The following ZFHX3 variants were observed in gnomAD, a reference collection of about 807,000 sequenced individuals.
ZFHX3 encodes zinc finger homeobox protein 3.
Under a neutral mutation model 279.1 loss-of-function variants are expected in ZFHX3, and 42 were observed. The observed-to-expected ratio is 0.15, with a 90% CI of 0.12 to 0.19. The LOEUF is 0.19. Ranked by LOEUF, ZFHX3 falls within the 10% of genes least tolerant of loss-of-function variation. The pLI is 1.00. For synonymous variants in ZFHX3, 2,293 were observed against 1,957.8 expected, an observed-to-expected ratio of 1.17 and a Z score of -4.52; for missense variants, 4,981 against 4,754.0, an observed-to-expected ratio of 1.05 and a Z score of -1.40.
At chr16:73,253,601 G>C (rs1306704051) in intron 5 of ZFHX3, among the ~76,000 whole-genome samples, 1 of 137,990 alleles carries the variant, frequency 7.2e-6, no homozygotes, top group Non-Finnish European at 1.5e-5. Context: ...ACAGGCGCCT[G>C]CCACCACGCC....
chr16:73,393,889 T>C (rs1395933933), intron 3 of ZFHX3, among the ~76,000 whole-genome samples: 2 of 148,378 alleles, frequency 1.3e-5, no homozygotes, highest in Non-Finnish European at 3.0e-5. Flanking sequence ...ATATCTCATG[T>C]ATATCATATA....
At chr16:73,823,904 GAT>G (rs1347125734) in intron 1 of ZFHX3, among the ~76,000 whole-genome samples, 1 of 152,172 alleles carries the variant, frequency 6.6e-6, no homozygotes, top group African/African-American at 2.4e-5. Context: ...AAAGGTGCAT[GAT>G]AAACATTTTT....
At chr16:72,935,721 G>A (rs561467038) in intron 3 of ZFHX3, among the ~76,000 whole-genome samples, 152 of 146,518 alleles carry the variant, frequency 1.0e-3, no homozygotes, top group Middle Eastern at 3.3e-3. Flanking sequence ...GCGACAGAGT[G>A]ACACTCTGTC....
chr16:72,838,156 C>G (rs1197701418), intron 4 of ZFHX3, among the ~76,000 whole-genome samples: 1 of 152,162 alleles, frequency 6.6e-6, no homozygotes, highest in Non-Finnish European at 1.5e-5. Context: ...CCCATTACCA[C>G]CATCCCTGTT....
At chr16:73,141,369 G>A (rs533343368) in intron 6 of ZFHX3, among the ~76,000 whole-genome samples, 96 of 152,002 alleles carry the variant, frequency 6.3e-4, no homozygotes, top group African/African-American at 2.2e-3. Flanking sequence ...ATCACTTTGT[G>A]CCAAGCACTG....
At chr16:73,541,879 G>A (rs193121091) in intron 2 of ZFHX3, among the ~76,000 whole-genome samples, 142 of 132,386 alleles carry the variant, frequency 1.1e-3, no homozygotes, top group African/African-American at 3.4e-3. Context: ...TAGGTTCACC[G>A]CAACCTCTGC....
chr16:73,047,046 A>G (rs569923555), intron 1 of ZFHX3, among the ~76,000 whole-genome samples: 1 of 152,298 alleles, frequency 6.6e-6, no homozygotes, highest in African/African-American at 2.4e-5. Flanking sequence ...GCCTTTTCCT[A>G]TCATAACACA....
In ZFHX3 at chr16:73,581,659, C is replaced by CTTTTTTTTTT. The variant is rs11286052; in HGVS notation, c.-1547+98511_-1547+98520dup. ...GTCAAGCATAAAACTTCGAATGTCT[C>CTTTTTTTTTT]TTTTTTTTTTTTTTTTTTTTTTTTT... is the stretch of plus-strand genomic sequence containing the variant. On this transcript the variant is annotated intron_variant, in intron 2 of 17. Coordinates refer to the ZFHX3 transcript ENST00000641206. Among the ~76,000 whole-genome samples the CTTTTTTTTTT allele has an allele frequency of 6.8e-5, 5 of 73,428 alleles. 1 individual carries two copies. Among genetic ancestry groups the CTTTTTTTTTT allele is most frequent in the African/African-American group, 2.3e-4 (4 of 17,438 alleles). The allele number at this position is 73,428 out of a possible 152,430, so 48.2% of individuals were successfully genotyped here.
At chr16:73,162,111 AC>A (rs1967250824) in intron 5 of ZFHX3, among the ~76,000 whole-genome samples, 1 of 152,204 alleles carries the variant, frequency 6.6e-6, no homozygotes, top group Admixed American at 6.5e-5. Context: ...TGGGGCACAG[AC>A]CAGTATCAAT....
intron 4 of ZFHX3, among the ~76,000 whole-genome samples, chr16:72,844,495 CCAGCACA>C (rs1268547560): frequency 6.6e-6 from 1 of 152,136 alleles, no homozygotes; most frequent in Non-Finnish European, 1.5e-5. Flanking sequence ...ACATGCACCC[CCAGCACA>C]CAGCACACAG....
Position 72,855,888 on chromosome 16 carries a change from C to T in ZFHX3, c.3449-26029G>A, listed in dbSNP as rs955491177. Among the ~76,000 whole-genome samples, 8 of 152,298 alleles carry T rather than the reference C, an allele frequency of 5.3e-5. No individual in the cohort carries two copies. The South Asian group carries it at 8.3e-4, about 16-fold the overall frequency. ...GAACATCTCCCCCAATGGCAAGAAA[C>T]GCCAACTGCCACCTTCCCCGTGGTG... is the stretch of plus-strand genomic sequence containing the variant. On this transcript the variant is annotated intron_variant, in intron 4 of 9. Coordinates refer to ENST00000268489, the MANE Select transcript of ZFHX3 (RefSeq NM_006885.4).
chr16:72,788,931 GCA>G (rs1321891623), intron 9 of ZFHX3, 83 bp from the exon 10 acceptor site: 98 of 1,489,656 alleles, frequency 6.6e-5, no homozygotes, highest in Non-Finnish European at 5.3e-5. Flanking sequence ...GGTGTCACTG[GCA>G]CACAGTTTGA....
intron 6 of ZFHX3, among the ~76,000 whole-genome samples, chr16:73,131,602 A>G (rs1435821924): frequency 6.6e-6 from 1 of 152,204 alleles, no homozygotes; most frequent in Admixed American, 6.5e-5. Flanking sequence ...TGAGCCTCAC[A>G]GGGTGGGAGG....
chr16:73,339,364 T>C lies in ZFHX3; in HGVS notation c.-1290-21028A>G, dbSNP rs185158377. Among the ~76,000 whole-genome samples the C allele has an allele frequency of 5.9e-5, 9 of 152,344 alleles. No homozygotes were observed. In the East Asian group the frequency reaches 1.7e-3, roughly 29 times the overall value. The stretch of plus-strand genomic sequence containing the variant: ...TGAACTCCTTGAAGACACCATCTTG[T>C]CTTATTCATCTTTGAGTCCCTCACA... On this transcript the variant is annotated intron_variant, in intron 3 of 17. Transcript: ENST00000641206.
At chr16:73,426,289 TTTTG>T (rs888343711) in intron 3 of ZFHX3, among the ~76,000 whole-genome samples, 3 of 151,280 alleles carry the variant, frequency 2.0e-5, no homozygotes, top group East Asian at 1.9e-4. Flanking sequence ...CTTTAGGAGG[TTTTG>T]TTTGTTTGTT....
At chr16:73,371,356 T>C (rs115501867) in intron 3 of ZFHX3, among the ~76,000 whole-genome samples, 2,316 of 151,818 alleles carry the variant, frequency 0.015, 67 homozygotes, top group African/African-American at 0.053. Flanking sequence ...TATGCAAAGG[T>C]TCTTAAGGTC....
rs73589336 is a variant in ZFHX3 at position 73,355,364 on chromosome 16, T to A, written c.-1290-37028A>T. Among the ~76,000 whole-genome samples, 1,187 of 152,336 alleles carry A rather than the reference T, an allele frequency of 7.8e-3. 8 individuals carry two copies. The highest frequency in any genetic ancestry group is 0.027 in the African/African-American group (1,130 of 41,570). On this transcript the variant is annotated intron_variant, in intron 3 of 17. Coordinates refer to the ZFHX3 transcript ENST00000641206. ...TTAAAAAATTCCATTTGGGTTTTTT[T>A]CTAACTCTGTAACTAGAACCAGATC...
At chr16:73,454,245 T>C (rs772038792) in intron 3 of ZFHX3, among the ~76,000 whole-genome samples, 1 of 152,186 alleles carries the variant, frequency 6.6e-6, no homozygotes, top group Non-Finnish European at 1.5e-5. Context: ...GTATGCACCA[T>C]GTCTTTGTCT....
At chr16:73,431,585 TA>T (rs1414721609) in intron 3 of ZFHX3, among the ~76,000 whole-genome samples, 2 of 152,182 alleles carry the variant, frequency 1.3e-5, no homozygotes, top group Non-Finnish European at 2.9e-5. Context: ...ATATATTCCA[TA>T]AATGTTCCAT....
Sources: allele counts gnomAD v4.1 joint callset (sites outside exome capture counted in the v4.1 genomes callset), GRCh38; gene constraint gnomAD v4.1.1; transcripts MANE v1.5; gene names NCBI Gene and HGNC (gene_info 2026-07-23, HGNC 2026-07-21).